Variants in STK31 observed in about 807,000 individuals in gnomAD.
STK31 encodes serine/threonine kinase 31.
Under a neutral mutation model 129.7 loss-of-function variants are expected in STK31, and 89 were observed. The ratio of observed to expected loss-of-function variants is 0.69; its 90% CI spans 0.58 to 0.82. The LOEUF (loss-of-function observed/expected upper bound fraction) is 0.82. STK31 is among the 40% of genes least tolerant of loss of function. STK31 has a pLI of 0.00. For synonymous variants in STK31, 448 were observed against 395.3 expected, an observed-to-expected ratio of 1.13 and a Z score of -1.58; for missense variants, 1,187 against 1,176.4, an observed-to-expected ratio of 1.01 and a Z score of -0.13.
At chr7:23,711,387 A>C (rs1785951431) in intron 1 of STK31, among the ~76,000 whole-genome samples, 1 of 151,948 alleles carries the variant, frequency 6.6e-6, no homozygotes, top group Admixed American at 6.6e-5. Context: ...CAGTGAGCTA[A>C]GATCTCCAGC....
At position 23,735,712 on chromosome 7, in the gene STK31, A is replaced by T. The variant is rs1347811826; in HGVS notation, c.658A>T (p.Ile220Phe). 6.2e-7 allele frequency: 1 copy of T among 1,614,032 alleles called. No individual in the cohort carries two copies. Among genetic ancestry groups the T allele is most frequent in the East Asian group, 2.2e-5 (1 of 44,868 alleles). The change falls in exon 7 of 24, where the codon ATC (isoleucine) becomes TTC (phenylalanine). Residue 220 changes from isoleucine to phenylalanine, a missense_variant. This residue lies in a region of STK31 where 975 missense variants were observed against 934.9 expected (regional missense o/e 1.04). Transcript: ENST00000355870. ...EKCRLASRTD[I>F]CEEKKLDPGQ... ...ATGCAGACTTGCTTCCAGAACTGACATCTGTGAGGAAAAAAAATTGGATCC... is the reference window on the plus strand; with the variant it reads ...ATGCAGACTTGCTTCCAGAACTGACTTCTGTGAGGAAAAAAAATTGGATCC...
chr7:23,798,135 GAC>G (rs1294149334), intron 22 of STK31, among the ~76,000 whole-genome samples: 1 of 152,124 alleles, frequency 6.6e-6, no homozygotes, highest in African/African-American at 2.4e-5. Context: ...AAAAGTCCAG[GAC>G]CAGACAGATA....
At chr7:23,812,139 A>G (rs953598663) in intron 22 of STK31, among the ~76,000 whole-genome samples, 3 of 152,128 alleles carry the variant, frequency 2.0e-5, no homozygotes, top group Admixed American at 6.5e-5. Context: ...TCTAGTGACA[A>G]ATTCCTTTCG....
chr7:23,800,367 G>A (rs1276009663), intron 22 of STK31, among the ~76,000 whole-genome samples: 2 of 152,122 alleles, frequency 1.3e-5, no homozygotes, highest in African/African-American at 2.4e-5. Flanking sequence ...TAAAGAAAAT[G>A]TGGCACATAT....
At chr7:23,791,022 C>A in intron 22 of STK31, 76 bp downstream of exon 22, 2 of 1,197,182 alleles carry the variant, frequency 1.7e-6, no homozygotes, top group South Asian at 6.6e-5. Flanking sequence ...TATAGTGATT[C>A]TCCTTAAAAA....
In STK31 at chr7:23,815,173, A is replaced by G; in HGVS notation, c.2790A>G (p.Ile930Met). 5 of 1,600,318 alleles carry G rather than the reference A, an allele frequency of 3.1e-6. No homozygotes were observed. Among genetic ancestry groups the G allele is most frequent in the Non-Finnish European group, 3.4e-6 (4 of 1,173,834 alleles). Residue 930 changes from isoleucine (I) to methionine (M), a missense_variant, in exon 23 of 24, where the codon ATA becomes ATG. This residue lies in a region of STK31 where 975 missense variants were observed against 934.9 expected (regional missense o/e 1.04). Transcript: ENST00000355870. The part of the protein sequence containing the change: ...WLSVQNQEFE[I>M]NKDGIPKVDQ... Reference sequence around the variant, plus strand: ...CTGTTCAAAATCAGGAGTTTGAGATAAATAAAGATGGAATCCCCAAAGTGG... The same window carrying G: ...CTGTTCAAAATCAGGAGTTTGAGATGAATAAAGATGGAATCCCCAAAGTGG...
intron 4 of STK31, chr7:23,721,732 A>C: frequency 1.3e-6 from 1 of 759,502 alleles, no homozygotes; most frequent in South Asian, 1.4e-5. Context: ...CAAGTGGAGC[A>C]AATGACACAA....
At chr7:23,793,132 C>T (rs901594048) in intron 22 of STK31, among the ~76,000 whole-genome samples, 6 of 152,130 alleles carry the variant, frequency 3.9e-5, no homozygotes, top group Non-Finnish European at 4.4e-5. Flanking sequence ...GACAAAGATG[C>T]CAAGGCAGTT....
At chr7:23,738,696 C>T (rs1026288875) in intron 8 of STK31, among the ~76,000 whole-genome samples, 1 of 151,946 alleles carries the variant, frequency 6.6e-6, no homozygotes, top group African/African-American at 2.4e-5. Context: ...GCTGGCATTA[C>T]AGGCACCCGC....
chr7:23,815,982 T>A (rs1793446866), intron 23 of STK31, among the ~76,000 whole-genome samples: 1 of 152,156 alleles, frequency 6.6e-6, no homozygotes, highest in Non-Finnish European at 1.5e-5. Flanking sequence ...AAGATTACAA[T>A]GAAAGAGTAC....
intron 10 of STK31, among the ~76,000 whole-genome samples, chr7:23,761,423 CTT>C (rs11326557): frequency 5.6e-4 from 77 of 136,828 alleles, no homozygotes; most frequent in Middle Eastern, 3.9e-3. Flanking sequence ...TGGCCATATG[CTT>C]TTTTTTTTTT....
chr7:23,832,445 T>C lies in STK31; in HGVS notation c.*79T>C. The C allele has an allele frequency of 2.0e-6, 2 of 1,006,358 alleles. No individual in the cohort carries two copies. Among genetic ancestry groups the C allele is most frequent in the Non-Finnish European group, 3.0e-6 (2 of 671,872 alleles). 62.3% of individuals were successfully genotyped at this position (1,006,358 alleles called of 1,614,324 possible). ...TACACAGAAATATCTAGAAATGTTC[T>C]GGGACTAGTTGAGTTGTATCTTTAG... On this transcript the variant is annotated 3_prime_UTR_variant, in exon 24 of 24. Coordinates refer to ENST00000355870, the MANE Select transcript of STK31 (RefSeq NM_031414.5).
intron 8 of STK31, 149 bp from the exon 9 acceptor site, chr7:23,752,568 T>G (rs1261765240): frequency 6.2e-6 from 4 of 641,510 alleles, no homozygotes; most frequent in Non-Finnish European, 1.1e-5. Context: ...CTCAAACTTC[T>G]GAGCTCAAAC....
chr7:23,772,835 G>C (rs989597354), intron 15 of STK31, among the ~76,000 whole-genome samples: 1 of 152,096 alleles, frequency 6.6e-6, no homozygotes, highest in African/African-American at 2.4e-5. Context: ...TAAACTTTGT[G>C]TTCCTTTGAG....
In STK31 at chr7:23,761,468, C is replaced by G. The variant is rs187563444; in HGVS notation, c.1294-1333C>G. 3.3e-3 allele frequency among the ~76,000 whole-genome samples: 492 copies of G among 151,114 alleles called. 5 individuals carry two copies. Among genetic ancestry groups the G allele is most frequent in the African/African-American group, 0.011 (448 of 41,190 alleles). Reference sequence around the variant, plus strand: ...CGGAGTCTCGCTCTGTCGCCCAGGCCGGAGTGCAGTGGTGTGATCTCGGCT... The same window carrying G: ...CGGAGTCTCGCTCTGTCGCCCAGGCGGGAGTGCAGTGGTGTGATCTCGGCT... On this transcript the variant is annotated intron_variant, in intron 10 of 23. Coordinates refer to ENST00000355870, the MANE Select transcript of STK31 (RefSeq NM_031414.5).
chr7:23,810,340 T>C (rs1490953636), intron 22 of STK31, among the ~76,000 whole-genome samples: 1 of 151,702 alleles, frequency 6.6e-6, no homozygotes, highest in Non-Finnish European at 1.5e-5. Context: ...TGTTTTTTAT[T>C]TACTCTTGCT....
intron 18 of STK31, 25 bp from the exon 19 acceptor site, chr7:23,786,483 C>T (rs754780549): frequency 1.7e-5 from 27 of 1,569,156 alleles, no homozygotes; most frequent in South Asian, 5.0e-5. Flanking sequence ...CTTGGAATTA[C>T]GAGTGCCTCT....
At chr7:23,721,926 C>G in intron 4 of STK31, 1 of 362,774 alleles carries the variant, frequency 2.8e-6, no homozygotes, top group Non-Finnish European at 5.3e-6. Flanking sequence ...TCAGCTCCAT[C>G]AGGTCATTAA....
intron 6 of STK31, among the ~76,000 whole-genome samples, chr7:23,731,783 G>A (rs1052967063): frequency 9.2e-5 from 14 of 152,298 alleles, no homozygotes; most frequent in Admixed American, 5.2e-4. Context: ...AAGGGAATGA[G>A]AGCTAGAGCT....
Sources: allele counts gnomAD v4.1 joint callset (sites outside exome capture counted in the v4.1 genomes callset), GRCh38; gene constraint gnomAD v4.1.1; regional missense constraint gnomAD v4.1.1; transcripts MANE v1.5; gene names NCBI Gene and HGNC (gene_info 2026-07-23, HGNC 2026-07-21).